PSD3: variants seen among roughly 807,000 people sequenced by gnomAD.
The protein encoded by PSD3 is PH and SEC7 domain-containing protein 3.
A neutral mutation model predicts 105.5 loss-of-function variants in PSD3; 49 were observed. The observed-to-expected ratio is 0.46, with a 90% CI of 0.37 to 0.59. The LOEUF (loss-of-function observed/expected upper bound fraction) is 0.59. Ranked by LOEUF, PSD3 falls within the 20% of genes least tolerant of loss-of-function variation. The pLI is 0.00. For missense variants in PSD3, 1,561 were observed against 1,263.8 expected (o/e 1.24, Z -3.57); for synonymous variants, 557 against 457.8 (o/e 1.22, Z -2.77).
chr8:18,796,300 T>C (rs577922885), intron 8 of PSD3, among the ~76,000 whole-genome samples: 62 of 152,252 alleles, frequency 4.1e-4, no homozygotes, highest in African/African-American at 1.5e-3. Context: ...CCTGCTACCA[T>C]GTCTTCAGTG....
At chr8:18,733,869 T>C (rs1803951319) in intron 9 of PSD3, 1 of 152,544 alleles carries the variant, frequency 6.6e-6, no homozygotes, top group South Asian at 2.1e-4. Flanking sequence ...CCAAGTCCAA[T>C]TATGGGAAAA....
intron 2 of PSD3, among the ~76,000 whole-genome samples, chr8:18,914,936 C>T (rs1820485046): frequency 2.0e-5 from 3 of 152,170 alleles, no homozygotes; most frequent in Admixed American, 6.5e-5. Flanking sequence ...CATCACGTTA[C>T]TTGACTGCAA....
At chr8:18,936,612 A>C (rs1388318085) in intron 1 of PSD3, among the ~76,000 whole-genome samples, 1 of 152,046 alleles carries the variant, frequency 6.6e-6, no homozygotes, top group Non-Finnish European at 1.5e-5. Context: ...AAATACAAAA[A>C]TTAGCCAGGT....
At chr8:18,745,935 GTATACA>G (rs1804974569) in intron 9 of PSD3, among the ~76,000 whole-genome samples, 1 of 152,134 alleles carries the variant, frequency 6.6e-6, no homozygotes, top group Admixed American at 6.5e-5. Context: ...GCATATCCTA[GTATACA>G]GATAAAGTAA....
chr8:18,904,041 G>C (rs1819681570), intron 2 of PSD3, among the ~76,000 whole-genome samples: 1 of 152,104 alleles, frequency 6.6e-6, no homozygotes. Flanking sequence ...AAGAAAAGAG[G>C]TTTAGTTGGC....
At chr8:18,819,575 ATTTTTTT>A (rs746931460) in intron 4 of PSD3, among the ~76,000 whole-genome samples, 2 of 111,320 alleles carry the variant, frequency 1.8e-5, no homozygotes, top group South Asian at 3.4e-4. Flanking sequence ...ATTAGAATGG[ATTTTTTT>A]TTTTTTTTTT....
intron 2 of PSD3, among the ~76,000 whole-genome samples, chr8:18,882,010 C>T (rs1008950323): frequency 1.3e-5 from 2 of 152,058 alleles, no homozygotes; most frequent in Non-Finnish European, 2.9e-5. Context: ...GAGTTCAAGA[C>T]CATCCTGGGC....
chr8:18,919,693 A>G (rs2129466806), intron 2 of PSD3, among the ~76,000 whole-genome samples: 1 of 152,020 alleles, frequency 6.6e-6, no homozygotes, highest in East Asian at 1.9e-4. Context: ...TATGTGCGCC[A>G]TTTGTAGGGA....
intron 9 of PSD3, among the ~76,000 whole-genome samples, chr8:18,682,928 C>G (rs1448451863): frequency 6.6e-6 from 1 of 151,924 alleles, no homozygotes; most frequent in Admixed American, 6.6e-5. Context: ...ATTATCAAGC[C>G]CATGAATCTC....
At chr8:18,686,462 T>C (rs75025429) in intron 9 of PSD3, among the ~76,000 whole-genome samples, 4,392 of 152,242 alleles carry the variant, frequency 0.029, 266 homozygotes, top group East Asian at 0.2. Flanking sequence ...GGAGAGAAAG[T>C]TTTCTTCTGC....
At chr8:18,945,403 G>A (rs1822797916) in intron 1 of PSD3, among the ~76,000 whole-genome samples, 1 of 152,172 alleles carries the variant, frequency 6.6e-6, no homozygotes, top group African/African-American at 2.4e-5. Flanking sequence ...TGAAGATGGA[G>A]GAAGGGGCTG....
At chr8:18,756,330 GTTCAGACC>G (rs1451862530) in intron 9 of PSD3, among the ~76,000 whole-genome samples, 1 of 152,082 alleles carries the variant, frequency 6.6e-6, no homozygotes, top group African/African-American at 2.4e-5. Flanking sequence ...TTTATAAAAA[GTTCAGACC>G]TTTTTCTGAC....
At chr8:18,554,410 A>G (rs930343666) in intron 15 of PSD3, among the ~76,000 whole-genome samples, 1 of 152,138 alleles carries the variant, frequency 6.6e-6, no homozygotes, top group African/African-American at 2.4e-5. Flanking sequence ...TATTTTTTCA[A>G]GCATTTTGCT....
chr8:18,895,530 C>T (rs919630833), intron 2 of PSD3, among the ~76,000 whole-genome samples: 1 of 152,206 alleles, frequency 6.6e-6, no homozygotes, highest in Non-Finnish European at 1.5e-5. Context: ...TAACAAGTCT[C>T]CCTCCTCAAC....
At chr8:18,965,203 G>C (rs2129471483) in intron 1 of PSD3, among the ~76,000 whole-genome samples, 2 of 152,162 alleles carry the variant, frequency 1.3e-5, no homozygotes, top group East Asian at 3.9e-4. Flanking sequence ...TGTTTTCTAT[G>C]ACAATAACCT....
At chr8:18,887,328 C>T (rs1183167166) in intron 2 of PSD3, among the ~76,000 whole-genome samples, 4 of 152,118 alleles carry the variant, frequency 2.6e-5, no homozygotes, top group East Asian at 3.8e-4. Flanking sequence ...ATTTTAGTGA[C>T]GATTGTATCT....
intron 1 of PSD3, among the ~76,000 whole-genome samples, chr8:19,021,558 C>CAA (rs11431700): frequency 0.015 from 2,028 of 130,900 alleles, 50 homozygotes; most frequent in African/African-American, 0.055. Context: ...TTTTTTGTTA[C>CAA]AAAAAAAAAA....
intron 11 of PSD3, among the ~76,000 whole-genome samples, chr8:18,627,323 G>T (rs769722815): frequency 6.6e-6 from 1 of 151,952 alleles, no homozygotes; most frequent in Non-Finnish European, 1.5e-5. Flanking sequence ...GTAGAGCTGC[G>T]TAAAACAGAG....
intron 12 of PSD3, among the ~76,000 whole-genome samples, chr8:18,584,193 G>T (rs148170529): frequency 6.6e-6 from 1 of 152,190 alleles, no homozygotes; most frequent in Admixed American, 6.5e-5. Context: ...TCATATCCCA[G>T]TGAAAGAGTG....
Sources: gnomAD v4.1 joint callset for allele counts (sites outside exome capture counted in the v4.1 genomes callset) on GRCh38, gnomAD v4.1.1 for gene constraint, MANE v1.5 for transcripts, NCBI Gene and HGNC (gene_info 2026-07-23, HGNC 2026-07-21) for gene names.